The following SGCZ variants were observed in gnomAD, a reference collection of about 807,000 sequenced individuals.
SGCZ encodes the protein sarcoglycan zeta.
A neutral mutation model predicts 41.3 loss-of-function variants in SGCZ; 40 were observed. The observed-to-expected ratio is 0.97, with a 90% confidence interval of 0.75 to 1.26. The LOEUF (loss-of-function observed/expected upper bound fraction) is 1.26. SGCZ is among the 50% of genes most tolerant of loss of function. SGCZ has a pLI of 0.00. For missense variants in SGCZ, 552 were observed against 369.8 expected (o/e 1.49, Z -4.04); for synonymous variants, 206 against 137.5 (o/e 1.50, Z -3.49).
chr8:15,067,067 CT>C (rs1805178837), intron 1 of SGCZ, among the ~76,000 whole-genome samples: 1 of 152,132 alleles, frequency 6.6e-6, no homozygotes, highest in Admixed American at 6.5e-5. Flanking sequence ...CACAATTAAA[CT>C]TTTAAAATAC....
At chr8:15,104,215 T>G (rs1806727727) in intron 1 of SGCZ, among the ~76,000 whole-genome samples, 1 of 152,186 alleles carries the variant, frequency 6.6e-6, no homozygotes, top group African/African-American at 2.4e-5. Context: ...AAACAATCCC[T>G]TGCACAGGAT....
At chr8:15,175,312 A>G (rs937349968) in intron 1 of SGCZ, among the ~76,000 whole-genome samples, 3 of 152,112 alleles carry the variant, frequency 2.0e-5, no homozygotes, top group Non-Finnish European at 2.9e-5. Flanking sequence ...CTGGATAAAG[A>G]AAATGTGATA....
intron 1 of SGCZ, among the ~76,000 whole-genome samples, chr8:14,737,953 G>C (rs565288179): frequency 1.3e-5 from 2 of 152,140 alleles, no homozygotes; most frequent in South Asian, 2.1e-4. Context: ...CTTAGATATA[G>C]TTTCATACAT....
At chr8:14,864,041 C>T (rs1803843601) in intron 1 of SGCZ, among the ~76,000 whole-genome samples, 3 of 152,100 alleles carry the variant, frequency 2.0e-5, no homozygotes. Flanking sequence ...TTGACCTCAC[C>T]AATTCCCACA....
At chr8:15,194,180 T>G (rs1800636129) in intron 1 of SGCZ, among the ~76,000 whole-genome samples, 1 of 131,274 alleles carries the variant, frequency 7.6e-6, no homozygotes, top group Admixed American at 8.3e-5. Flanking sequence ...GTGTCCCACC[T>G]CTAATCACAC....
intron 2 of SGCZ, among the ~76,000 whole-genome samples, chr8:14,404,480 T>C (rs765951935): frequency 6.6e-6 from 1 of 152,180 alleles, no homozygotes; most frequent in Non-Finnish European, 1.5e-5. Context: ...TTTGAAATAA[T>C]ACTAAATGAT....
intron 1 of SGCZ, among the ~76,000 whole-genome samples, chr8:15,039,293 A>T (rs1803989172): frequency 6.6e-6 from 1 of 152,190 alleles, no homozygotes; most frequent in African/African-American, 2.4e-5. Flanking sequence ...ATCCACTCTT[A>T]AAAAAGAAGG....
intron 1 of SGCZ, among the ~76,000 whole-genome samples, chr8:14,864,499 T>C (rs1234330417): frequency 6.6e-6 from 1 of 152,192 alleles, no homozygotes; most frequent in Non-Finnish European, 1.5e-5. Flanking sequence ...ATAACTTCTT[T>C]GGAATAAATT....
chr8:14,172,721 G>T (rs182236005), intron 4 of SGCZ, among the ~76,000 whole-genome samples: 2 of 152,188 alleles, frequency 1.3e-5, no homozygotes, highest in South Asian at 4.2e-4. Flanking sequence ...AGAGCCCATC[G>T]GTGTTGGCAG....
chr8:14,887,100 T>C (rs1287853067), intron 1 of SGCZ, among the ~76,000 whole-genome samples: 1 of 152,152 alleles, frequency 6.6e-6, no homozygotes, highest in East Asian at 1.9e-4. Flanking sequence ...TGTATCATTC[T>C]CCACATCCTT....
intron 1 of SGCZ, among the ~76,000 whole-genome samples, chr8:15,216,125 T>C (rs1381133755): frequency 1.3e-5 from 2 of 152,128 alleles, no homozygotes; most frequent in Non-Finnish European, 2.9e-5. Context: ...CCAGAGCCAC[T>C]AATTGCATTC....
chr8:15,226,882 G>T (rs915982248), intron 1 of SGCZ, among the ~76,000 whole-genome samples: 2 of 152,188 alleles, frequency 1.3e-5, no homozygotes, highest in Non-Finnish European at 2.9e-5. Flanking sequence ...TGGATGTACG[G>T]AATGATGACA....
At chr8:14,965,413 G>A (rs568629188) in intron 1 of SGCZ, among the ~76,000 whole-genome samples, 4 of 152,174 alleles carry the variant, frequency 2.6e-5, no homozygotes, top group South Asian at 2.1e-4. Flanking sequence ...TAAAGGAGTC[G>A]CCAAAGATGA....
At chr8:14,276,491 C>T (rs989440268) in intron 3 of SGCZ, among the ~76,000 whole-genome samples, 3 of 152,226 alleles carry the variant, frequency 2.0e-5, no homozygotes, top group Admixed American at 2.0e-4. Context: ...ATTTCTCTCC[C>T]ATGGCTTCAA....
chr8:14,518,763 G>GCAGA (rs75790511), intron 2 of SGCZ, among the ~76,000 whole-genome samples: 5,698 of 151,720 alleles, frequency 0.038, 127 homozygotes, highest in East Asian at 0.079. Flanking sequence ...GATTAGATAG[G>GCAGA]CAGACAGACA....
At chr8:14,528,029 T>C (rs999095906) in intron 2 of SGCZ, among the ~76,000 whole-genome samples, 2 of 152,074 alleles carry the variant, frequency 1.3e-5, no homozygotes, top group Non-Finnish European at 2.9e-5. Context: ...TGGGAGGTGA[T>C]GCCTCAGTCA....
At chr8:14,723,699 T>C (rs1311976340) in intron 1 of SGCZ, among the ~76,000 whole-genome samples, 1 of 152,106 alleles carries the variant, frequency 6.6e-6, no homozygotes, top group African/African-American at 2.4e-5. Flanking sequence ...TGTCTATGCA[T>C]ATATATGCAT....
At chr8:14,400,760 AT>A (rs11375684) in intron 2 of SGCZ, among the ~76,000 whole-genome samples, 18,776 of 151,362 alleles carry the variant, frequency 0.12, 1,773 homozygotes, top group African/African-American at 0.27. Flanking sequence ...AATCAATAGT[AT>A]TTTTTTTTAC....
In SGCZ at chr8:14,705,811, T is replaced by C. The variant is rs912622754; in HGVS notation, c.40-150885A>G. The stretch of plus-strand genomic sequence containing the variant: ...GCATAAGGCCAATATTTTTACCCTT[T>C]TTTATTCAGTACATAGAACTTTGAA... On this transcript the variant is annotated intron_variant, in intron 1 of 7. Coordinates refer to ENST00000382080, the MANE Select transcript of SGCZ (RefSeq NM_139167.4). Among the ~76,000 whole-genome samples the C allele has an allele frequency of 1.0e-3, 159 of 152,174 alleles. 2 individuals are homozygous for C. Among genetic ancestry groups the C allele is most frequent in the African/African-American group, 3.7e-3 (153 of 41,576 alleles).
Sources: allele counts gnomAD v4.1 joint callset (sites outside exome capture counted in the v4.1 genomes callset), GRCh38; gene constraint gnomAD v4.1.1; transcripts MANE v1.5; gene names NCBI Gene and HGNC (gene_info 2026-07-23, HGNC 2026-07-21).